The following NHS variants were observed in gnomAD, a reference collection of about 807,000 sequenced individuals.
NHS encodes the protein actin remodeling regulator NHS.
A neutral mutation model predicts 72.5 loss-of-function variants in NHS; 5 were observed. That is an observed-to-expected ratio of 0.07 (90% confidence interval 0.04 to 0.14). NHS has a LOEUF of 0.14. Among genes scored for constraint, NHS ranks in the 10% least tolerant of loss-of-function variants. The pLI is 1.00. For missense variants in NHS, 1,072 were observed against 1,355.7 expected, an observed-to-expected ratio of 0.79 and a Z score of 3.29; for synonymous variants, 464 against 547.7, an observed-to-expected ratio of 0.85 and a Z score of 2.13.
At chrX:17,641,440 T>G (rs978565896) in intron 1 of NHS, among the ~76,000 whole-genome samples, 3 of 112,091 alleles carry the variant, frequency 2.7e-5, no homozygotes, top group African/African-American at 9.7e-5. Context: ...TCCACAACAT[T>G]CTTGTGGCTG....
intron 1 of NHS, among the ~76,000 whole-genome samples, chrX:17,531,076 T>G (rs1208574230): frequency 9.0e-6 from 1 of 111,714 alleles, no homozygotes; most frequent in Non-Finnish European, 1.9e-5. Context: ...CAGCCTTTAT[T>G]TCTCTCTCCA....
intron 1 of NHS, among the ~76,000 whole-genome samples, chrX:17,507,779 G>A (rs1309239369): frequency 2.7e-5 from 3 of 111,550 alleles, no homozygotes; most frequent in Non-Finnish European, 5.6e-5. Flanking sequence ...TGTCTCTAGA[G>A]CACAAATTTG....
chrX:17,591,925 G>T (rs1422836905), intron 1 of NHS, among the ~76,000 whole-genome samples: 2 of 111,368 alleles, frequency 1.8e-5, no homozygotes, highest in Non-Finnish European at 3.8e-5. Flanking sequence ...TAAAGCTTCT[G>T]ACTCTCGTGG....
At chrX:17,534,991 T>C (rs1161067241) in intron 1 of NHS, among the ~76,000 whole-genome samples, 1 of 111,971 alleles carries the variant, frequency 8.9e-6, no homozygotes, top group African/African-American at 3.2e-5. Flanking sequence ...TACCCTAGCT[T>C]CCTCACTTCT....
At chrX:17,580,626 C>T (rs1273701456) in intron 1 of NHS, among the ~76,000 whole-genome samples, 8 of 111,892 alleles carry the variant, frequency 7.1e-5, no homozygotes, top group Admixed American at 6.6e-4. Context: ...CTGTCTCCTG[C>T]GGAGGACAGA....
chrX:17,519,063 G>GT (rs1177255916), intron 1 of NHS, among the ~76,000 whole-genome samples: 1 of 111,931 alleles, frequency 8.9e-6, no homozygotes, highest in East Asian at 2.8e-4. Context: ...TTAGGTTCTA[G>GT]TAAGTGTTCA....
At chrX:17,688,927 G>A (rs2066179756) in intron 2 of NHS, among the ~76,000 whole-genome samples, 1 of 112,233 alleles carries the variant, frequency 8.9e-6, no homozygotes, top group Admixed American at 9.4e-5. Flanking sequence ...AAGGGGACAT[G>A]TCAGCTTTTT....
At chrX:17,538,625 G>A (rs920338209) in intron 1 of NHS, among the ~76,000 whole-genome samples, 1 of 111,495 alleles carries the variant, frequency 9.0e-6, no homozygotes, top group African/African-American at 3.3e-5. Flanking sequence ...TCAGGGAGAG[G>A]GTCATAGGTG....
At chrX:17,567,802 CAG>C (rs1463238513) in intron 1 of NHS, among the ~76,000 whole-genome samples, 2 of 107,224 alleles carry the variant, frequency 1.9e-5, no homozygotes, top group East Asian at 2.9e-4. Flanking sequence ...AATATCTAGA[CAG>C]AGGGGAGGAG....
At chrX:17,410,004 C>G (rs1157969720) in intron 1 of NHS, among the ~76,000 whole-genome samples, 3 of 111,612 alleles carry the variant, frequency 2.7e-5, no homozygotes, top group Admixed American at 9.5e-5. Context: ...GGATTTCTTG[C>G]CTAGCCAGTA....
At chrX:17,457,667 C>A (rs751496351) in intron 1 of NHS, among the ~76,000 whole-genome samples, 1 of 111,873 alleles carries the variant, frequency 8.9e-6, no homozygotes, top group Admixed American at 9.5e-5. Flanking sequence ...AGCCAGCAGA[C>A]CAGGATTTAG....
intron 3 of NHS, among the ~76,000 whole-genome samples, chrX:17,713,440 T>C (rs2066346711): frequency 8.9e-6 from 1 of 112,082 alleles, no homozygotes; most frequent in Admixed American, 9.4e-5. Flanking sequence ...CAGCCTCCAG[T>C]AAATATTTTT....
chrX:17,566,536 C>T (rs762526299), intron 1 of NHS, among the ~76,000 whole-genome samples: 2 of 111,262 alleles, frequency 1.8e-5, no homozygotes, highest in South Asian at 7.6e-4. Flanking sequence ...CCTGTTTGTT[C>T]CTCAGTAAAT....
intron 1 of NHS, among the ~76,000 whole-genome samples, chrX:17,398,203 GTTCTGGAGCT>G (rs1420688195): frequency 8.9e-5 from 10 of 111,846 alleles, no homozygotes; most frequent in African/African-American, 3.2e-4. Context: ...CTGAACAGAA[GTTCTGGAGCT>G]TTCTCCAGAA....
intron 1 of NHS, among the ~76,000 whole-genome samples, chrX:17,487,957 T>C (rs965249711): frequency 9.0e-6 from 1 of 111,225 alleles, no homozygotes; most frequent in African/African-American, 3.3e-5. Context: ...TTTATGCCAA[T>C]ATATGCTCCC....
intron 1 of NHS, among the ~76,000 whole-genome samples, chrX:17,545,761 A>G (rs1293970126): frequency 8.9e-6 from 1 of 111,921 alleles, no homozygotes; most frequent in Non-Finnish European, 1.9e-5. Context: ...GAAGGGTCCT[A>G]TTCAAGTCCA....
intron 3 of NHS, among the ~76,000 whole-genome samples, chrX:17,701,602 A>G (rs1423843478): frequency 1.8e-5 from 2 of 111,771 alleles, no homozygotes; most frequent in East Asian, 5.6e-4. Context: ...CAGAAGGGCC[A>G]CAGCTTGTGA....
intron 1 of NHS, among the ~76,000 whole-genome samples, chrX:17,446,819 A>AT (rs1187271643): frequency 1.8e-5 from 2 of 112,015 alleles, no homozygotes; most frequent in Non-Finnish European, 3.8e-5. Flanking sequence ...TTGTAAATTG[A>AT]TTTTTTTCAC....
At chrX:17,588,591 AT>A (rs55775230) in intron 1 of NHS, among the ~76,000 whole-genome samples, 39,222 of 102,279 alleles carry the variant, frequency 0.38, 5,630 homozygotes, top group East Asian at 0.69. Flanking sequence ...TTTGTGGGGG[AT>A]TTTTTTTTTT....
Sources: gnomAD v4.1 joint callset for allele counts (sites outside exome capture counted in the v4.1 genomes callset) on GRCh38, gnomAD v4.1.1 for gene constraint, MANE v1.5 for transcripts, NCBI Gene and HGNC (gene_info 2026-07-23, HGNC 2026-07-21) for gene names.